Variants in FCHSD1 observed in about 807,000 individuals in gnomAD.
The protein encoded by FCHSD1 is F-BAR and double SH3 domains protein 1.
In FCHSD1, 109 loss-of-function variants were observed where a neutral mutation model predicts 101.3. The ratio of observed to expected loss-of-function variants is 1.08; its 90% CI spans 0.92 to 1.26. The LOEUF (loss-of-function observed/expected upper bound fraction) is 1.26, where lower values mean the gene tolerates loss of function less well. Among genes scored for constraint, FCHSD1 ranks in the 50% most tolerant of loss-of-function variants. FCHSD1 has a pLI of 0.00. For missense variants in FCHSD1, 820 were observed against 895.8 expected, an observed-to-expected ratio of 0.92 and a Z score of 1.08; for synonymous variants, 291 against 356.8, an observed-to-expected ratio of 0.82 and a Z score of 2.08.
Position 141,644,237 on chromosome 5 carries a change from TC to T in FCHSD1, c.1843del (p.Glu615AsnfsTer48). The T allele has an allele frequency of 6.2e-7, 1 of 1,612,362 alleles. No individual in the cohort carries two copies. The highest frequency in any genetic ancestry group is 2.2e-5 in the East Asian group (1 of 44,828). Reference sequence around the variant, plus strand: ...CCTCACCTGTTCAGGGTCAGAGAGTTCAGGTGGCCCTGGGGGGCCAAGCAGC... The same window carrying T: ...CCTCACCTGTTCAGGGTCAGAGAGTTAGGTGGCCCTGGGGGGCCAAGCAGC... ...EELLGPPGPP[E>X]LSDPEQMLPS... On this transcript the variant is annotated frameshift_variant, in exon 17 of 20. Transcript: ENST00000435817. LOFTEE classifies it high-confidence loss of function.
chr5:141,640,993 C>T lies in FCHSD1; in HGVS notation c.*505G>A. On this transcript the variant is annotated 3_prime_UTR_variant, in exon 20 of 20. Transcript: ENST00000435817. ...CACCGTAGGCCCCCTGCCCTCTTAG[C>T]ACAAGAGGCCCAGGCCCTGGCCTGG... 2.3e-6 allele frequency: 1 copy of T among 432,590 alleles called. No homozygotes were observed. Among genetic ancestry groups the T allele is most frequent in the Non-Finnish European group, 4.1e-6 (1 of 244,746 alleles). 26.8% of individuals were successfully genotyped at this position (432,590 alleles called of 1,614,324 possible). A position where few individuals can be genotyped will look rare whatever the true frequency, so the allele number is the denominator to read the frequency against.
Position 141,643,103 on chromosome 5 carries a change from G to T in FCHSD1, c.1864-15C>A. On this transcript the variant is annotated splice_polypyrimidine_tract_variant and intron_variant, in intron 17 of 19. Coordinates refer to ENST00000435817, the MANE Select transcript of FCHSD1 (RefSeq NM_033449.3). ...GACGGCAGCATCTGGAGGTGGGGTG[G>T]GCACAGAGTTATTCCTGGCATGTGG... The T allele has an allele frequency of 6.9e-7, 1 of 1,449,548 alleles. No individual in the cohort carries two copies. The highest frequency in any genetic ancestry group is 1.4e-5 in the South Asian group (1 of 69,424). 89.8% of individuals were successfully genotyped at this position (1,449,548 alleles called of 1,614,324 possible).
At chr5:141,643,219 T>TCGGGG (rs2099907187) in intron 17 of FCHSD1, 131 bp from the exon 18 acceptor site, 1 of 553,378 alleles carries the variant, frequency 1.8e-6, no homozygotes, top group African/African-American at 2.2e-5. Flanking sequence ...TTGCATTCGG[T>TCGGGG]GGGGGGGTGT....
At position 141,639,925 on chromosome 5, in the gene FCHSD1, G is replaced by A. The variant is rs750207148; in HGVS notation, c.*1573C>T. 5.6e-6 allele frequency: 9 copies of A among 1,613,838 alleles called. No homozygotes were observed. Among genetic ancestry groups the A allele is most frequent in the Middle Eastern group, 1.7e-4 (1 of 6,028 alleles). On this transcript the variant is annotated 3_prime_UTR_variant, in exon 20 of 20. Transcript: ENST00000435817. The surrounding 1 kb of genome is among the most constrained non-coding windows in gnomAD (Gnocchi z 4.4). ...AGTGTTCCCTCCCCTCCCAGGTTCC[G>A]GGTGACACACATTGAGAAGCGCTAT...
chr5:141,649,154 C>T lies in FCHSD1; in HGVS notation c.512+18G>A. The T allele has an allele frequency of 1.2e-6, 2 of 1,613,958 alleles. No homozygotes were observed. The highest frequency in any genetic ancestry group is 1.7e-6 in the Non-Finnish European group (2 of 1,179,874). On this transcript the variant is annotated intron_variant, in intron 6 of 19. Transcript: ENST00000435817. This position sits in a 1 kb window ranked among gnomAD's most constrained non-coding sequence, Gnocchi z 4.1. ...CCTGTTCCCCAACCTTGGGCTTCCT[C>T]ACTCTCCATGACCCCACCTGGCCTG...
At chr5:141,642,089 G>T in intron 18 of FCHSD1, 1 of 512,720 alleles carries the variant, frequency 2.0e-6, no homozygotes, top group Non-Finnish European at 3.5e-6. Flanking sequence ...TGGAGATGGT[G>T]GTAACTCCAG....
At position 141,639,898 on chromosome 5, in the gene FCHSD1, C is replaced by A. The variant is rs764131821; in HGVS notation, c.*1600G>T. Reference sequence around the variant, plus strand: ...AGCCTCTGAGTTGTGGTCCTAAACCCCAGTGTTCCCTCCCCTCCCAGGTTC... The same window carrying A: ...AGCCTCTGAGTTGTGGTCCTAAACCACAGTGTTCCCTCCCCTCCCAGGTTC... On this transcript the variant is annotated 3_prime_UTR_variant, in exon 20 of 20. Transcript: ENST00000435817. This position sits in a 1 kb window ranked among gnomAD's most constrained non-coding sequence, Gnocchi z 4.4. 4.3e-6 allele frequency: 7 copies of A among 1,613,170 alleles called. No individual in the cohort carries two copies. In the South Asian group the frequency reaches 6.6e-5, roughly 15 times the overall value.
chr5:141,648,120 T>C (rs570597398), intron 7 of FCHSD1, 24 bp from the exon 8 acceptor site: 27 of 1,588,688 alleles, frequency 1.7e-5, no homozygotes, highest in African/African-American at 6.7e-5. Context: ...CTGATGTCAA[T>C]AGGAAGCCCT....
chr5:141,648,522 G>A (rs1401407609), intron 7 of FCHSD1, among the ~76,000 whole-genome samples: 1 of 152,112 alleles, frequency 6.6e-6, no homozygotes, highest in African/African-American at 2.4e-5. Flanking sequence ...GCTCCTTCTT[G>A]ACAGTTAGGC....
At chr5:141,643,417 A>T (rs2099907222) in intron 17 of FCHSD1, among the ~76,000 whole-genome samples, 1 of 152,208 alleles carries the variant, frequency 6.6e-6, no homozygotes, top group Non-Finnish European at 1.5e-5. Flanking sequence ...GTCCAAAATC[A>T]CGAAGCCAGT....
In FCHSD1 at chr5:141,647,204, C is replaced by T; in HGVS notation, c.855G>A (p.Leu285=). 2 of 1,608,626 alleles carry T rather than the reference C, an allele frequency of 1.2e-6. No individual in the cohort carries two copies. Among genetic ancestry groups the T allele is most frequent in the Non-Finnish European group, 1.7e-6 (2 of 1,177,504 alleles). ...SQVSWEQDLK[L]FLQEPGVFSP... ...AAAATACACCAGGCTCCTGAAGAAA[C>T]AGCTTCAGGTCTTGCTCCCAGCTTA... The change falls in exon 10 of 20, where the codon CTG becomes CTA. Residue 285 remains leucine, a synonymous_variant. Transcript: ENST00000435817.
chr5:141,642,364 G>A, intron 18 of FCHSD1: 2 of 684,486 alleles, frequency 2.9e-6, no homozygotes, highest in East Asian at 2.7e-5. Flanking sequence ...GCAAAGGTAG[G>A]AGTAGAGGCA....
Position 141,639,909 on chromosome 5 carries a change from T to C in FCHSD1, c.*1589A>G. On this transcript the variant is annotated 3_prime_UTR_variant, in exon 20 of 20. Coordinates refer to ENST00000435817, the MANE Select transcript of FCHSD1 (RefSeq NM_033449.3). This position sits in a 1 kb window ranked among gnomAD's most constrained non-coding sequence, Gnocchi z 4.4. ...TGTGGTCCTAAACCCCAGTGTTCCC[T>C]CCCCTCCCAGGTTCCGGGTGACACA... 4.3e-6 allele frequency: 7 copies of C among 1,613,484 alleles called. No individual in the cohort carries two copies. Among genetic ancestry groups the C allele is most frequent in the African/African-American group, 4.0e-5 (3 of 74,970 alleles).
At chr5:141,646,017 A>G in intron 12 of FCHSD1, 70 bp downstream of exon 12, 1 of 1,545,064 alleles carries the variant, frequency 6.5e-7, no homozygotes, top group South Asian at 1.2e-5. Flanking sequence ...TCCCACCATC[A>G]GAAAGAGGAG....
At chr5:141,650,439 A>T (rs749873764) in intron 2 of FCHSD1, 35 bp from the exon 3 acceptor site, 1 of 1,613,422 alleles carries the variant, frequency 6.2e-7, no homozygotes, top group Non-Finnish European at 8.5e-7. Flanking sequence ...GAGGTGGGGG[A>T]TAAGGTTATG....
chr5:141,651,073 C>T lies in FCHSD1; in HGVS notation c.66G>A (p.Leu22=), dbSNP rs17287002. Residue 22 remains leucine (L), a synonymous_variant, in exon 2 of 20, where the codon CTG becomes CTA. Coordinates refer to ENST00000435817, the MANE Select transcript of FCHSD1 (RefSeq NM_033449.3). The part of the protein sequence containing the change: ...QEVKLRFLEQ[L]SILQTWQQRE... ...TCTGCTGCCAGGTCTGAAGGATGCT[C>T]AGCTGTTCCAGGAAGCGAAGCTTCA... The T allele has an allele frequency of 0.069, 110,081 of 1,597,994 alleles. 4,474 individuals carry two copies. Among genetic ancestry groups the T allele is most frequent in the Non-Finnish European group, 0.083 (96,974 of 1,171,906 alleles).
Position 141,647,468 on chromosome 5 carries a change from CTCAGGGAGG to C in FCHSD1, c.749_757del (p.Thr250_Leu252del). On this transcript the variant is annotated inframe_deletion, in exon 9 of 20. Transcript: ENST00000435817. ...CTCTGCGGCTTCCAGCTCAGTGTGGCTCAGGGAGGTCAGGGGGTCCCTCAAGTGCTCTGA... is the reference window on the plus strand; with the variant it reads ...CTCTGCGGCTTCCAGCTCAGTGTGGCTCAGGGGGTCCCTCAAGTGCTCTGA... The C allele has an allele frequency of 6.2e-7, 1 of 1,612,534 alleles. No homozygotes were observed. Among genetic ancestry groups the C allele is most frequent in the East Asian group, 2.2e-5 (1 of 44,858 alleles).
Position 141,640,692 on chromosome 5 carries a change from A to T in FCHSD1, c.*806T>A, listed in dbSNP as rs2099906760. Reference sequence around the variant, plus strand: ...CAAGTCTCCTTCATTGTGCTGATGGACTACCAGCTGGCAGGGCCAGGGGGT... The same window carrying T: ...CAAGTCTCCTTCATTGTGCTGATGGTCTACCAGCTGGCAGGGCCAGGGGGT... On this transcript the variant is annotated 3_prime_UTR_variant, in exon 20 of 20. Transcript: ENST00000435817. 1 of 1,534,538 alleles carries T rather than the reference A, an allele frequency of 6.5e-7. No individual in the cohort carries two copies. Among genetic ancestry groups the T allele is most frequent in the African/African-American group, 1.4e-5 (1 of 73,108 alleles).
Position 141,641,775 on chromosome 5 carries a change from A to G in FCHSD1, c.1952-18T>C, listed in dbSNP as rs1414208321. On this transcript the variant is annotated intron_variant, in intron 18 of 19. Coordinates refer to ENST00000435817, the MANE Select transcript of FCHSD1 (RefSeq NM_033449.3). ...GGCTTTGTCTGGAAATAAGAACCAC[A>G]AGTCAGTCTTCAGACTTTGTTTTGT... 1.2e-6 allele frequency: 2 copies of G among 1,613,758 alleles called. No individual in the cohort carries two copies. Among genetic ancestry groups the G allele is most frequent in the South Asian group, 1.1e-5 (1 of 91,046 alleles).
Sources: allele counts gnomAD v4.1 joint callset (sites outside exome capture counted in the v4.1 genomes callset), GRCh38; gene constraint gnomAD v4.1.1; non-coding constraint Gnocchi (gnomAD v3.1); transcripts MANE v1.5; gene names NCBI Gene and HGNC (gene_info 2026-07-23, HGNC 2026-07-21).